The following NKAIN2 variants were observed in gnomAD, a reference collection of about 807,000 sequenced individuals.
The protein encoded by NKAIN2 is sodium/potassium transporting ATPase interacting 2, also known as sodium/potassium-transporting ATPase subunit beta-1-interacting protein 2.
In NKAIN2, 14 loss-of-function variants were observed where a neutral mutation model predicts 32.6. The ratio of observed to expected loss-of-function variants is 0.43; its 90% CI spans 0.28 to 0.67. NKAIN2 has a LOEUF of 0.67. Among genes scored for constraint, NKAIN2 ranks in the 30% least tolerant of loss-of-function variants. The pLI is 0.17. For synonymous variants in NKAIN2, 80 were observed against 87.2 expected (o/e 0.92, Z 0.46); for missense variants, 198 against 258.3 (o/e 0.77, Z 1.60).
intron 1 of NKAIN2, among the ~76,000 whole-genome samples, chr6:123,847,802 G>A (rs1219214736): frequency 1.3e-5 from 2 of 152,122 alleles, no homozygotes; most frequent in African/African-American, 4.8e-5. Context: ...ACTGGCTGCA[G>A]TTTATAATTA....
At chr6:124,654,657 AG>A (rs1324019530) in intron 3 of NKAIN2, among the ~76,000 whole-genome samples, 1 of 152,166 alleles carries the variant, frequency 6.6e-6, no homozygotes, top group African/African-American at 2.4e-5. Flanking sequence ...CTACTTAATG[AG>A]GTCATTAGAG....
intron 1 of NKAIN2, among the ~76,000 whole-genome samples, chr6:124,268,890 G>A (rs1197065366): frequency 1.3e-5 from 2 of 151,922 alleles, no homozygotes; most frequent in African/African-American, 4.8e-5. Context: ...CTCTGCCTCA[G>A]TTTTCTGATC....
chr6:124,599,361 T>C (rs1782222157), intron 3 of NKAIN2, among the ~76,000 whole-genome samples: 1 of 152,186 alleles, frequency 6.6e-6, no homozygotes, highest in South Asian at 2.1e-4. Flanking sequence ...AAAATCTGTT[T>C]ACAGCTAAAG....
intron 3 of NKAIN2, among the ~76,000 whole-genome samples, chr6:124,536,745 T>C (rs1779730855): frequency 6.6e-6 from 1 of 152,178 alleles, no homozygotes; most frequent in Non-Finnish European, 1.5e-5. Flanking sequence ...TTGCTGCTTC[T>C]CAACGGATTT....
intron 3 of NKAIN2, among the ~76,000 whole-genome samples, chr6:124,545,341 C>T (rs1780057171): frequency 1.3e-5 from 2 of 152,050 alleles, no homozygotes; most frequent in African/African-American, 4.8e-5. Context: ...TCCCTTTTCT[C>T]CCTATTAAAA....
At chr6:124,684,822 C>G (rs1773785352) in intron 4 of NKAIN2, among the ~76,000 whole-genome samples, 1 of 152,114 alleles carries the variant, frequency 6.6e-6, no homozygotes, top group African/African-American at 2.4e-5. Context: ...AATAGCAAAC[C>G]ACCCTAACCC....
chr6:124,487,634 T>C (rs1458535025), intron 3 of NKAIN2, among the ~76,000 whole-genome samples: 5 of 152,180 alleles, frequency 3.3e-5, no homozygotes, highest in Non-Finnish European at 7.4e-5. Flanking sequence ...TAATGTCCAT[T>C]TTTATCAAAG....
intron 3 of NKAIN2, among the ~76,000 whole-genome samples, chr6:124,596,018 C>T (rs207467426): frequency 6.6e-5 from 10 of 152,202 alleles, no homozygotes; most frequent in African/African-American, 2.2e-4. Context: ...CTCACATTAC[C>T]TCCTGGAGGC....
intron 2 of NKAIN2, among the ~76,000 whole-genome samples, chr6:124,354,793 A>C (rs1798890925): frequency 6.6e-6 from 1 of 151,288 alleles, no homozygotes; most frequent in Non-Finnish European, 1.5e-5. Context: ...AAACCTAAAA[A>C]TTTATCCTTA....
rs1781545968 is a variant in NKAIN2, at chr6:124,825,407, T to C, written c.*2178T>C. ...ATCAGTAAGCACAGTAGTGTGATTA[T>C]ATCTGGGAAAACATCTACAGTTGTA... is the stretch of plus-strand genomic sequence containing the variant. On this transcript the variant is annotated 3_prime_UTR_variant, in exon 7 of 7. Coordinates refer to ENST00000368417, the MANE Select transcript of NKAIN2 (RefSeq NM_001040214.3). 1 of 152,632 alleles carries C rather than the reference T, an allele frequency of 6.6e-6. No homozygotes were observed. The highest frequency in any genetic ancestry group is 2.4e-5 in the African/African-American group (1 of 41,454). 9.5% of individuals were successfully genotyped at this position (152,632 alleles called of 1,614,324 possible). A position where few individuals can be genotyped will look rare whatever the true frequency, so the allele number is the denominator to read the frequency against.
At chr6:124,411,446 A>C (rs1281156241) in intron 3 of NKAIN2, among the ~76,000 whole-genome samples, 1 of 152,124 alleles carries the variant, frequency 6.6e-6, no homozygotes, top group Non-Finnish European at 1.5e-5. Context: ...TATGAAGCTT[A>C]GTTTGGCTGG....
At chr6:124,303,369 G>A (rs556351873) in intron 2 of NKAIN2, among the ~76,000 whole-genome samples, 26 of 152,056 alleles carry the variant, frequency 1.7e-4, no homozygotes, top group Non-Finnish European at 4.4e-5. Context: ...CATAGTCTTC[G>A]GCAGCAGCAA....
intron 5 of NKAIN2, among the ~76,000 whole-genome samples, chr6:124,810,231 C>T (rs1780825834): frequency 6.6e-6 from 1 of 151,794 alleles, no homozygotes; most frequent in South Asian, 2.1e-4. Flanking sequence ...TTGGAACCAA[C>T]CCAAATGTCC....
intron 4 of NKAIN2, among the ~76,000 whole-genome samples, chr6:124,677,985 G>A (rs1339347576): frequency 6.6e-6 from 1 of 151,760 alleles, no homozygotes; most frequent in Non-Finnish European, 1.5e-5. Flanking sequence ...GTCAGATTTA[G>A]CATTTTTTGC....
chr6:124,590,340 A>C (rs1217487221), intron 3 of NKAIN2, among the ~76,000 whole-genome samples: 1 of 152,166 alleles, frequency 6.6e-6, no homozygotes, highest in East Asian at 1.9e-4. Flanking sequence ...CAAGTGCATT[A>C]AGAATCTTGA....
rs148914758 is a variant in NKAIN2, at chr6:123,928,005, A to T, written c.54+123751A>T. On this transcript the variant is annotated intron_variant, in intron 1 of 6. Coordinates refer to ENST00000368417, the MANE Select transcript of NKAIN2 (RefSeq NM_001040214.3). ...GGTTGGTTTCATAACTAAAAGGAAA[A>T]AGAGATAATGAGTTTCGGGGGAAAC... Among the ~76,000 whole-genome samples, 8 of 152,264 alleles carry T rather than the reference A, an allele frequency of 5.3e-5. No homozygotes were observed. The East Asian group carries it at 1.4e-3, about 26-fold the overall frequency.
chr6:124,711,191 G>A (rs1212845412), intron 4 of NKAIN2, among the ~76,000 whole-genome samples: 1,481 of 126,250 alleles, frequency 0.012, 44 homozygotes, highest in African/African-American at 0.045. Flanking sequence ...CGTTTCTGCT[G>A]AGAGATCCGC....
chr6:124,275,038 A>T (rs1794965721), intron 1 of NKAIN2, among the ~76,000 whole-genome samples: 2 of 152,252 alleles, frequency 1.3e-5, no homozygotes, highest in East Asian at 3.9e-4. Context: ...ACTTTTTAGA[A>T]GAATTTTCTG....
chr6:124,328,950 A>G (rs998090556), intron 2 of NKAIN2, among the ~76,000 whole-genome samples: 2 of 152,192 alleles, frequency 1.3e-5, no homozygotes, highest in African/African-American at 4.8e-5. Flanking sequence ...TAATAATGTC[A>G]TCCCTTCTGG....
Sources: gnomAD v4.1 joint callset for allele counts (sites outside exome capture counted in the v4.1 genomes callset) on GRCh38, gnomAD v4.1.1 for gene constraint, MANE v1.5 for transcripts, NCBI Gene and HGNC (gene_info 2026-07-23, HGNC 2026-07-21) for gene names.